The following TTLL3 variants were observed in gnomAD, a reference collection of about 807,000 sequenced individuals.
The protein encoded by TTLL3 is tubulin tyrosine ligase like 3.
Under a neutral mutation model 75.2 loss-of-function variants are expected in TTLL3, and 63 were observed. The observed-to-expected ratio is 0.84, with a 90% CI of 0.68 to 1.03. TTLL3 has a LOEUF of 1.03. TTLL3 is among the 50% of genes least tolerant of loss of function. TTLL3 has a pLI of 0.00. For missense variants in TTLL3, 997 were observed against 1,069.9 expected, an observed-to-expected ratio of 0.93 and a Z score of 0.95; for synonymous variants, 393 against 418.5, an observed-to-expected ratio of 0.94 and a Z score of 0.74.
At chr3:9,809,920 T>C (rs1025457740), upstream of TTLL3, 7 of 173,630 alleles carry the variant, frequency 4.0e-5, no homozygotes, top group African/African-American at 8.4e-5. Flanking sequence ...GGCTCGAGCC[T>C]AGGCAGGAAC....
Position 9,810,367 on chromosome 3 carries a change from C to T in TTLL3, c.-69C>T, listed in dbSNP as rs927539500. 1 of 1,311,070 alleles carries T rather than the reference C, an allele frequency of 7.6e-7. No homozygotes were observed. The highest frequency in any genetic ancestry group is 2.9e-5 in the African/African-American group (1 of 34,448). The allele number at this position is 1,311,070 out of a possible 1,614,324, so 81.2% of individuals were successfully genotyped here. A position where few individuals can be genotyped will look rare whatever the true frequency, so the allele number is the denominator to read the frequency against. ...CCACCCCCTCGGCCCCCCGCACACC[C>T]CGGTCCTCGACCCCTCTCCGCAGGA... On this transcript the variant is annotated 5_prime_UTR_variant, in exon 1 of 14. Transcript: ENST00000685419. This position sits in a 1 kb window ranked among gnomAD's most constrained non-coding sequence, Gnocchi z 4.4.
intron 8 of TTLL3, chr3:9,825,520 G>A: frequency 4.1e-6 from 2 of 492,638 alleles, no homozygotes; most frequent in East Asian, 7.8e-5. Flanking sequence ...TAATGTAATA[G>A]GAAGGGGGTG....
rs756530100 is a variant in TTLL3, at chr3:9,825,907, A to C, written c.962A>C (p.Asn321Thr). 1 of 1,614,116 alleles carries C rather than the reference A, an allele frequency of 6.2e-7. No homozygotes were observed. The highest frequency in any genetic ancestry group is 8.5e-7 in the Non-Finnish European group (1 of 1,179,970). Residue 321 changes from asparagine (N) to threonine (T), a missense_variant, in exon 9 of 14, where the codon AAC (asparagine) becomes ACC (threonine). Physicochemically the swap from Asn to Thr is moderately conservative, Grantham distance 65. Coordinates refer to ENST00000685419, the MANE Select transcript of TTLL3 (RefSeq NM_001387446.1). ...CAGATAGACATGGAAGGGGATCGCA[A>C]CATCTGGATCGTGAAGCCAGGAGCC... is the stretch of plus-strand genomic sequence containing the variant. ...VPQIDMEGDR[N>T]IWIVKPGAKS...
At chr3:9,824,498 C>T (rs1206782866) in intron 8 of TTLL3, among the ~76,000 whole-genome samples, 1 of 152,360 alleles carries the variant, frequency 6.6e-6, no homozygotes, top group Admixed American at 6.5e-5. Flanking sequence ...ACAACCTCCG[C>T]CTCCTGGCTT....
intron 10 of TTLL3, chr3:9,827,729 C>T (rs780608725): frequency 6.0e-6 from 1 of 165,616 alleles, no homozygotes; most frequent in Non-Finnish European, 1.3e-5. Flanking sequence ...GTGCCATGCA[C>T]TGTTCTGGGC....
rs747005259 is a variant in TTLL3 at position 9,827,243 on chromosome 3, G to A, written c.1247+3G>A. The A allele has an allele frequency of 5.6e-6, 9 of 1,613,366 alleles. No homozygotes were observed. In the African/African-American group the frequency reaches 1.1e-4, roughly 19 times the overall value. On this transcript the variant is annotated splice_donor_region_variant and intron_variant, in intron 10 of 13. Transcript: ENST00000685419. The stretch of plus-strand genomic sequence containing the variant: ...TTCTCCCTGAAGAACCTGGACAAGT[G>A]AGCCCCTCTGCTCGCCTCCCACGAG...
At chr3:9,825,485 G>T (rs6787367) in intron 8 of TTLL3, 225,918 of 396,630 alleles carry the variant, frequency 0.57, 68,758 homozygotes, top group Non-Finnish European at 0.66. Flanking sequence ...GAACTGGAAT[G>T]ATTAAATTCT....
In TTLL3 at chr3:9,825,358, G is replaced by A. The variant is rs567893201; in HGVS notation, c.855-442G>A. On this transcript the variant is annotated intron_variant, in intron 8 of 13. Coordinates refer to ENST00000685419, the MANE Select transcript of TTLL3 (RefSeq NM_001387446.1). ...GTCTCAAAAAAAAAAAAAAAAAGTC[G>A]GGGGGTAGGGGGTGGGTACTAGTAA... 2.6e-4 allele frequency: 45 copies of A among 173,182 alleles called. No homozygotes were observed. In the South Asian group the frequency reaches 3.4e-3, roughly 13 times the overall value. The allele number at this position is 173,182 out of a possible 1,614,324, so 10.7% of individuals were successfully genotyped here. A position where few individuals can be genotyped will look rare whatever the true frequency, so the allele number is the denominator to read the frequency against.
rs752014461 is a variant in TTLL3, at chr3:9,810,359, C to T, written c.-77C>T. ...TCGGATACCCACCCCCTCGGCCCCCCGCACACCCCGGTCCTCGACCCCTCT... is the reference window on the plus strand; with the variant it reads ...TCGGATACCCACCCCCTCGGCCCCCTGCACACCCCGGTCCTCGACCCCTCT... On this transcript the variant is annotated 5_prime_UTR_variant, in exon 1 of 14. Coordinates refer to ENST00000685419, the MANE Select transcript of TTLL3 (RefSeq NM_001387446.1). The surrounding 1 kb of genome is among the most constrained non-coding windows in gnomAD (Gnocchi z 4.4). The T allele has an allele frequency of 1.1e-4, 156 of 1,379,384 alleles. No individual in the cohort carries two copies. Among genetic ancestry groups the T allele is most frequent in the Middle Eastern group, 1.0e-3 (4 of 3,840 alleles). 85.4% of individuals were successfully genotyped at this position (1,379,384 alleles called of 1,614,324 possible).
intron 7 of TTLL3, chr3:9,819,527 A>C: frequency 1.0e-6 from 1 of 988,184 alleles, no homozygotes. Flanking sequence ...AGGAGGAAGC[A>C]GTGAAACTGG....
intron 8 of TTLL3, among the ~76,000 whole-genome samples, chr3:9,823,112 G>A (rs1300270400): frequency 5.9e-5 from 9 of 151,794 alleles, no homozygotes; most frequent in East Asian, 2.0e-4. Flanking sequence ...GGCCGGGCAC[G>A]GTGGCTCACG....
chr3:9,823,599 A>AAC (rs1292961797), intron 8 of TTLL3, among the ~76,000 whole-genome samples: 1 of 152,088 alleles, frequency 6.6e-6, no homozygotes, highest in East Asian at 1.9e-4. Flanking sequence ...GATTACTGAA[A>AAC]AGATACTTCA....
At position 9,817,732 on chromosome 3, in the gene TTLL3, G is replaced by A; in HGVS notation, c.532G>A (p.Ala178Thr). 4 of 1,614,186 alleles carry A rather than the reference G, an allele frequency of 2.5e-6. No individual in the cohort carries two copies. The highest frequency in any genetic ancestry group is 1.1e-5 in the South Asian group (1 of 91,086). ...SFFPRCYCLG[A>T]EDDKKAFIED... ...CTTCCCACGCTGCTACTGCCTGGGG[G>A]CTGAGGATGACAAAAAAGCCTTCAT... Residue 178 changes from alanine to threonine, a missense_variant, in exon 6 of 14, where the codon GCT (alanine) becomes ACT (threonine). Transcript: ENST00000685419.
upstream of TTLL3, chr3:9,810,194 TGC>T (rs1409940607): frequency 6.8e-7 from 1 of 1,476,150 alleles, no homozygotes; most frequent in Non-Finnish European, 8.9e-7. This position sits in a 1 kb window ranked among gnomAD's most constrained non-coding sequence, Gnocchi z 4.4. Flanking sequence ...CCCAGGAGGC[TGC>T]CATGGGCCGG....
chr3:9,820,251 G>A (rs1309910815), intron 7 of TTLL3: 20 of 1,179,564 alleles, frequency 1.7e-5, no homozygotes, highest in Non-Finnish European at 1.8e-5. Flanking sequence ...CCTCAGGTGT[G>A]TTAGAGGTCC....
chr3:9,813,003 A>G lies in TTLL3; in HGVS notation c.109A>G (p.Arg37Gly). 1 of 1,565,810 alleles carries G rather than the reference A, an allele frequency of 6.4e-7. No homozygotes were observed. The highest frequency in any genetic ancestry group is 8.7e-7 in the Non-Finnish European group (1 of 1,154,748). ...YPVIRCLLRR[R>G]GWVEKKMVHR... is the part of the protein sequence containing the mutation. ...GGTGATCCGGTGTCTCTTGCGCCGG[A>G]GGGGCTGGGTGGAGAAGAAGATGGT... Residue 37 changes from arginine to glycine, a missense_variant, in exon 3 of 14, where the codon AGG becomes GGG. Transcript: ENST00000685419.
intron 8 of TTLL3, among the ~76,000 whole-genome samples, chr3:9,823,486 A>G (rs2080712618): frequency 1.8e-5 from 1 of 56,706 alleles, no homozygotes; most frequent in Admixed American, 1.5e-4. Context: ...TCATTAAAAT[A>G]CTGTTTTTTT....
In TTLL3 at chr3:9,820,761, G is replaced by C. The variant is rs761062970; in HGVS notation, c.854+20G>C. 3.8e-5 allele frequency: 61 copies of C among 1,612,756 alleles called. No homozygotes were observed. The African/African-American group carries it at 7.5e-4, about 20-fold the overall frequency. On this transcript the variant is annotated intron_variant, in intron 8 of 13. Transcript: ENST00000685419. Reference sequence around the variant, plus strand: ...GGTCCAGTGAGTCCCCTGCAGCTGGGACTTTGGGCTGTGGGCAGGTGCTTA... The same window carrying C: ...GGTCCAGTGAGTCCCCTGCAGCTGGCACTTTGGGCTGTGGGCAGGTGCTTA...
At chr3:9,824,737 C>CTTTTTTTT (rs71052207) in intron 8 of TTLL3, among the ~76,000 whole-genome samples, 4 of 80,668 alleles carry the variant, frequency 5.0e-5, no homozygotes, top group Admixed American at 1.6e-4. Flanking sequence ...CTTTTCTTTT[C>CTTTTTTTT]TTTTTTTTTT....
Sources: allele counts gnomAD v4.1 joint callset (sites outside exome capture counted in the v4.1 genomes callset), GRCh38; gene constraint gnomAD v4.1.1; non-coding constraint Gnocchi (gnomAD v3.1); transcripts MANE v1.5; gene names NCBI Gene and HGNC (gene_info 2026-07-23, HGNC 2026-07-21).